CACNA2D3: variants seen among roughly 807,000 people sequenced by gnomAD.
The protein encoded by CACNA2D3 is calcium voltage-gated channel auxiliary subunit alpha2delta 3.
CACNA2D3 carries 60 observed loss-of-function variants against 160.6 expected under a neutral mutation model. The observed-to-expected ratio is 0.37, with a 90% CI of 0.30 to 0.46. CACNA2D3 has a LOEUF of 0.46. CACNA2D3 is among the 20% of genes least tolerant of loss of function. The pLI, the probability that CACNA2D3 is intolerant of heterozygous loss-of-function variation, is 1.00. For synonymous variants in CACNA2D3, 558 were observed against 492.9 expected (o/e 1.13, Z -1.75); for missense variants, 1,205 against 1,365.0 (o/e 0.88, Z 1.85).
chr3:54,862,705 C>T (rs908918508), intron 17 of CACNA2D3, among the ~76,000 whole-genome samples: 2 of 152,036 alleles, frequency 1.3e-5, no homozygotes, highest in Admixed American at 6.6e-5. Context: ...AATGGGGTGA[C>T]AGGATATGAG....
chr3:54,230,031 C>T (rs893094793), intron 2 of CACNA2D3, among the ~76,000 whole-genome samples: 1 of 151,260 alleles, frequency 6.6e-6, no homozygotes, highest in South Asian at 2.1e-4. Context: ...AAGTAGGAAG[C>T]GTTGCCAAAG....
intron 12 of CACNA2D3, among the ~76,000 whole-genome samples, chr3:54,757,046 C>T (rs1257421518): frequency 6.6e-6 from 1 of 152,082 alleles, no homozygotes; most frequent in African/African-American, 2.4e-5. Context: ...CACACTATTT[C>T]AAAAATAAGC....
intron 13 of CACNA2D3, among the ~76,000 whole-genome samples, chr3:54,777,710 C>G (rs576322045): frequency 2.0e-5 from 3 of 152,230 alleles, no homozygotes; most frequent in Non-Finnish European, 4.4e-5. Flanking sequence ...ACTTAGCCAG[C>G]TGTTAAAGGA....
intron 2 of CACNA2D3, among the ~76,000 whole-genome samples, chr3:54,217,913 A>G (rs888934832): frequency 1.2e-4 from 18 of 152,044 alleles, no homozygotes; most frequent in Admixed American, 3.3e-4. Flanking sequence ...GAGGTGTGTT[A>G]GAGAGAAAGA....
intron 5 of CACNA2D3, among the ~76,000 whole-genome samples, chr3:54,516,516 G>A (rs562588930): frequency 6.6e-6 from 1 of 152,206 alleles, no homozygotes; most frequent in African/African-American, 2.4e-5. Context: ...GTCTCCATAG[G>A]CATAGAGATG....
chr3:55,039,190 C>G (rs1354681153), intron 35 of CACNA2D3, among the ~76,000 whole-genome samples: 1 of 152,078 alleles, frequency 6.6e-6, no homozygotes, highest in Non-Finnish European at 1.5e-5. Context: ...CATTTCTTCA[C>G]CTGTAGAAAC....
intron 2 of CACNA2D3, among the ~76,000 whole-genome samples, chr3:54,290,918 G>A (rs572122135): frequency 5.9e-5 from 9 of 152,002 alleles, no homozygotes; most frequent in Admixed American, 6.6e-5. Flanking sequence ...GTGGGGTAGC[G>A]GGGGGTGAGG....
intron 21 of CACNA2D3, among the ~76,000 whole-genome samples, chr3:54,883,280 C>T (rs1473106305): frequency 6.6e-6 from 1 of 152,148 alleles, no homozygotes; most frequent in African/African-American, 2.4e-5. Flanking sequence ...CCTCGGCCTC[C>T]GAAAGTGCTG....
At chr3:54,208,951 A>G (rs1701322147) in intron 2 of CACNA2D3, among the ~76,000 whole-genome samples, 1 of 152,192 alleles carries the variant, frequency 6.6e-6, no homozygotes, top group Admixed American at 6.5e-5. Context: ...ACATGGTGGC[A>G]GACAAGAAAG....
At chr3:54,267,263 G>T (rs1281107691) in intron 2 of CACNA2D3, among the ~76,000 whole-genome samples, 2 of 152,146 alleles carry the variant, frequency 1.3e-5, no homozygotes, top group Non-Finnish European at 2.9e-5. Context: ...GATATTTGAG[G>T]TATGGAAAAC....
intron 2 of CACNA2D3, among the ~76,000 whole-genome samples, chr3:54,153,886 G>A (rs1389545381): frequency 1.3e-5 from 2 of 152,102 alleles, no homozygotes; most frequent in South Asian, 2.1e-4. Context: ...AGTTCCTTTG[G>A]TGCACTTTTG....
At chr3:54,149,876 AGTATCT>A (rs1700105266) in intron 2 of CACNA2D3, among the ~76,000 whole-genome samples, 2 of 87,160 alleles carry the variant, frequency 2.3e-5, no homozygotes, top group South Asian at 3.8e-4. Context: ...GCTGTCCTGA[AGTATCT>A]GTCTCTCTCT....
At chr3:54,994,720 T>C (rs1702818535) in intron 31 of CACNA2D3, among the ~76,000 whole-genome samples, 1 of 152,162 alleles carries the variant, frequency 6.6e-6, no homozygotes, top group Non-Finnish European at 1.5e-5. Context: ...TAACTACTAT[T>C]ATTATTTCCA....
intron 27 of CACNA2D3, among the ~76,000 whole-genome samples, chr3:54,934,963 C>G (rs1331781150): frequency 6.6e-6 from 1 of 152,200 alleles, no homozygotes; most frequent in Non-Finnish European, 1.5e-5. Context: ...GTCTCGAACT[C>G]CTGACCTCAA....
At chr3:54,901,760 A>G (rs1700339350) in intron 27 of CACNA2D3, among the ~76,000 whole-genome samples, 1 of 152,216 alleles carries the variant, frequency 6.6e-6, no homozygotes, top group Admixed American at 6.5e-5. Flanking sequence ...TGGTAGACGT[A>G]AGATAAAACA....
At chr3:54,356,745 G>A (rs1310374421) in intron 3 of CACNA2D3, among the ~76,000 whole-genome samples, 1 of 152,100 alleles carries the variant, frequency 6.6e-6, no homozygotes, top group Non-Finnish European at 1.5e-5. Context: ...GGCCATATGA[G>A]TCTATACAGT....
At chr3:54,752,771 C>T (rs879336702) in intron 12 of CACNA2D3, 94 bp downstream of exon 12, 26 of 880,500 alleles carry the variant, frequency 3.0e-5, no homozygotes, top group Admixed American at 8.2e-5. Context: ...TCTAATAATT[C>T]TAAGATAAAG....
chr3:54,723,823 C>G (rs1701223401), intron 11 of CACNA2D3, among the ~76,000 whole-genome samples: 1 of 152,188 alleles, frequency 6.6e-6, no homozygotes, highest in Non-Finnish European at 1.5e-5. Context: ...GCAGCTGTTC[C>G]TATTCAGCCA....
At chr3:54,737,182 ATGTGTGTG>A (rs4025817) in intron 11 of CACNA2D3, among the ~76,000 whole-genome samples, 2,273 of 147,388 alleles carry the variant, frequency 0.015, 35 homozygotes, top group African/African-American at 0.038. Flanking sequence ...CCATGTGTAT[ATGTGTGTG>A]TGTGTGTGTG....
Sources: gnomAD v4.1 joint callset for allele counts (sites outside exome capture counted in the v4.1 genomes callset) on GRCh38, gnomAD v4.1.1 for gene constraint, MANE v1.5 for transcripts, NCBI Gene and HGNC (gene_info 2026-07-23, HGNC 2026-07-21) for gene names.